Variants in PCSK5 observed in about 807,000 individuals in gnomAD.
The protein encoded by PCSK5 is proprotein convertase subtilisin/kexin type 5.
Under a neutral mutation model 233.2 loss-of-function variants are expected in PCSK5, and 129 were observed. The observed-to-expected ratio is 0.55, with a 90% confidence interval of 0.48 to 0.64. The LOEUF is 0.64. Among genes scored for constraint, PCSK5 ranks in the 30% least tolerant of loss-of-function variants. The pLI, the probability that PCSK5 is intolerant of heterozygous loss-of-function variation, is 0.00. For missense variants in PCSK5, 2,076 were observed against 2,430.1 expected (o/e 0.85, Z 3.06); for synonymous variants, 825 against 879.2 (o/e 0.94, Z 1.09).
intron 5 of PCSK5, among the ~76,000 whole-genome samples, chr9:76,065,868 G>A (rs903528284): frequency 3.3e-5 from 5 of 152,056 alleles, no homozygotes; most frequent in African/African-American, 4.8e-5. Flanking sequence ...TTTTATGTAT[G>A]GATATCCAGA....
intron 5 of PCSK5, among the ~76,000 whole-genome samples, chr9:76,037,475 G>T (rs1587532509): frequency 6.6e-6 from 1 of 152,264 alleles, no homozygotes; most frequent in Middle Eastern, 3.4e-3. Flanking sequence ...ATTATTACAG[G>T]TGACAGTAAG....
chr9:76,107,162 C>A, intron 8 of PCSK5, 89 bp from the exon 9 acceptor site: 1 of 684,942 alleles, frequency 1.5e-6, no homozygotes, highest in South Asian at 1.9e-5. Context: ...AACATATACC[C>A]CCATTCTATT....
intron 20 of PCSK5, among the ~76,000 whole-genome samples, chr9:76,196,218 T>C (rs2131261559): frequency 6.6e-6 from 1 of 152,344 alleles, no homozygotes; most frequent in South Asian, 2.1e-4. Flanking sequence ...GCCCACCTGG[T>C]CCCATTCTTC....
At chr9:76,044,401 T>C (rs1022002342) in intron 5 of PCSK5, among the ~76,000 whole-genome samples, 4 of 152,152 alleles carry the variant, frequency 2.6e-5, no homozygotes, top group Non-Finnish European at 5.9e-5. Context: ...GCTAGAAACA[T>C]GAAAGTGTGC....
At chr9:75,945,833 C>A (rs1296767673) in intron 2 of PCSK5, among the ~76,000 whole-genome samples, 1 of 152,194 alleles carries the variant, frequency 6.6e-6, no homozygotes, top group African/African-American at 2.4e-5. Context: ...ATGATGGATG[C>A]CTTCTCAGCC....
intron 5 of PCSK5, among the ~76,000 whole-genome samples, chr9:76,044,680 A>C (rs1377861380): frequency 6.6e-6 from 1 of 152,216 alleles, no homozygotes; most frequent in Non-Finnish European, 1.5e-5. Context: ...AAAGCCTAGT[A>C]ATAGCCTAGT....
chr9:76,228,325 T>TA (rs1269453430), intron 21 of PCSK5, among the ~76,000 whole-genome samples: 2 of 152,128 alleles, frequency 1.3e-5, no homozygotes, highest in African/African-American at 2.4e-5. Context: ...CTCTTCCCAG[T>TA]AAAAATAATC....
chr9:75,893,596 G>A (rs1385203421), intron 1 of PCSK5, among the ~76,000 whole-genome samples: 3 of 152,152 alleles, frequency 2.0e-5, no homozygotes, highest in African/African-American at 7.2e-5. Context: ...AGCGAGATGG[G>A]AGAAATTGTC....
At chr9:76,030,554 C>T (rs1302961109) in intron 5 of PCSK5, among the ~76,000 whole-genome samples, 1 of 151,052 alleles carries the variant, frequency 6.6e-6, no homozygotes, top group African/African-American at 2.4e-5. Context: ...GAATCTTATA[C>T]AATTTTATAA....
At chr9:76,116,801 C>T (rs1832441929) in intron 9 of PCSK5, among the ~76,000 whole-genome samples, 1 of 152,084 alleles carries the variant, frequency 6.6e-6, no homozygotes, top group African/African-American at 2.4e-5. Flanking sequence ...AATGTGACAC[C>T]AGAACCCACC....
chr9:76,122,677 A>T (rs572625513), intron 9 of PCSK5, among the ~76,000 whole-genome samples: 2 of 152,302 alleles, frequency 1.3e-5, no homozygotes, highest in Non-Finnish European at 2.9e-5. Context: ...GTCTTAAAAA[A>T]AAATGACTCT....
At chr9:76,092,601 G>C (rs1305328006) in intron 7 of PCSK5, among the ~76,000 whole-genome samples, 3 of 152,154 alleles carry the variant, frequency 2.0e-5, no homozygotes, top group Non-Finnish European at 2.9e-5. Context: ...GTCTCGCTAT[G>C]TTGCCCAGGC....
intron 24 of PCSK5, among the ~76,000 whole-genome samples, chr9:76,259,453 C>G (rs1314487225): frequency 2.1e-5 from 2 of 93,632 alleles, no homozygotes. Context: ...TCTCTGTCTA[C>G]ACTACACACA....
At chr9:76,176,423 A>G (rs1482002407) in intron 14 of PCSK5, among the ~76,000 whole-genome samples, 4 of 152,156 alleles carry the variant, frequency 2.6e-5, no homozygotes, top group Non-Finnish European at 4.4e-5. Flanking sequence ...TGTTATTTTT[A>G]TATTTGTAGA....
chr9:76,357,110 C>T (rs1396955028), intron 37 of PCSK5, among the ~76,000 whole-genome samples: 1 of 152,198 alleles, frequency 6.6e-6, no homozygotes, highest in Non-Finnish European at 1.5e-5. Context: ...TGAGCTCATC[C>T]TCATCACTAA....
At chr9:76,063,319 CTTTTTT>C (rs1157596601) in intron 5 of PCSK5, among the ~76,000 whole-genome samples, 52 of 59,712 alleles carry the variant, frequency 8.7e-4, no homozygotes, top group South Asian at 4.3e-3. Context: ...TTTCTTTTTT[CTTTTTT>C]TTTTTTTTTT....
rs145963734 is a variant in PCSK5 at position 76,116,721 on chromosome 9, A to G, written c.1208+9370A>G. On this transcript the variant is annotated intron_variant, in intron 9 of 37. Coordinates refer to ENST00000674117, the MANE Select transcript of PCSK5 (RefSeq NM_001372043.1). ...GTGCTCTAAGGTAGGCATTATCACC[A>G]TATTTCCTATGTGGAAAATGAGGGT... Among the ~76,000 whole-genome samples the G allele has an allele frequency of 5.1e-3, 781 of 152,266 alleles. 4 individuals carry two copies. The highest frequency in any genetic ancestry group is 0.018 in the African/African-American group (734 of 41,570).
chr9:76,314,100 G>A (rs1828947246), intron 30 of PCSK5, among the ~76,000 whole-genome samples: 1 of 152,140 alleles, frequency 6.6e-6, no homozygotes, highest in South Asian at 2.1e-4. Flanking sequence ...TCCAGGAATT[G>A]ACAACACATT....
At chr9:76,089,973 G>T (rs1831219187) in intron 7 of PCSK5, among the ~76,000 whole-genome samples, 1 of 152,294 alleles carries the variant, frequency 6.6e-6, no homozygotes, top group Admixed American at 6.5e-5. Context: ...TAGATACAAA[G>T]AGAGTATTTA....
Sources: allele counts gnomAD v4.1 joint callset (sites outside exome capture counted in the v4.1 genomes callset), GRCh38; gene constraint gnomAD v4.1.1; transcripts MANE v1.5; gene names NCBI Gene and HGNC (gene_info 2026-07-23, HGNC 2026-07-21).